CIZ1: variants seen among roughly 807,000 people sequenced by gnomAD.
CIZ1 encodes cip1-interacting zinc finger protein.
Under a neutral mutation model 118.6 loss-of-function variants are expected in CIZ1, and 58 were observed. That is an observed-to-expected ratio of 0.49 (90% CI 0.40 to 0.61). CIZ1 has a LOEUF of 0.61. Among genes scored for constraint, CIZ1 ranks in the 20% least tolerant of loss-of-function variants. CIZ1 has a pLI of 0.00. For missense variants in CIZ1, 921 were observed against 1,115.9 expected (o/e 0.83, Z 2.49); for synonymous variants, 448 against 443.4 (o/e 1.01, Z -0.13).
At chr9:128,188,455 T>TC (rs557631222) in intron 3 of CIZ1, among the ~76,000 whole-genome samples, 35 of 152,306 alleles carry the variant, frequency 2.3e-4, no homozygotes, top group African/African-American at 8.2e-4. Flanking sequence ...AACCTTTTTT[T>TC]CCACTTTAAA....
intron 14 of CIZ1, among the ~76,000 whole-genome samples, chr9:128,168,104 A>T (rs1486192826): frequency 6.6e-6 from 1 of 151,248 alleles, no homozygotes; most frequent in African/African-American, 2.4e-5. Context: ...GCCCCTCACC[A>T]CCCTGGACTA....
intron 3 of CIZ1, among the ~76,000 whole-genome samples, chr9:128,188,854 G>A (rs1165481947): frequency 6.6e-6 from 1 of 151,472 alleles, no homozygotes; most frequent in Admixed American, 6.6e-5. Context: ...GCTGGAGTAC[G>A]GTGGCGCGAT....
chr9:128,186,992 T>G lies in CIZ1; in HGVS notation c.358+871A>C, dbSNP rs45501899. Among the ~76,000 whole-genome samples, 723 of 149,426 alleles carry G rather than the reference T, an allele frequency of 4.8e-3. 3 individuals carry two copies. The highest frequency in any genetic ancestry group is 0.017 in the African/African-American group (686 of 40,368). ...TCTTGCTCTGTTGCCCAGTCTGGAG[T>G]GCAGTGGTGCGATCTTGGCTCACTG... On this transcript the variant is annotated intron_variant, in intron 4 of 16. Coordinates refer to ENST00000372938, the MANE Select transcript of CIZ1 (RefSeq NM_001131016.2).
At chr9:128,172,609 A>G (rs1054699730) in intron 11 of CIZ1, among the ~76,000 whole-genome samples, 1 of 152,208 alleles carries the variant, frequency 6.6e-6, no homozygotes, top group Non-Finnish European at 1.5e-5. Flanking sequence ...AAAGCCCTGT[A>G]AGAGCTCTGC....
At chr9:128,178,288 G>A (rs966318056) in intron 9 of CIZ1, 81 bp downstream of exon 9, 2 of 1,482,078 alleles carry the variant, frequency 1.3e-6, no homozygotes, top group Non-Finnish European at 1.8e-6. Flanking sequence ...GAGGCCCTGA[G>A]GTGGCCTGGG....
At chr9:128,188,862 G>A (rs554683353) in intron 3 of CIZ1, among the ~76,000 whole-genome samples, 4 of 151,398 alleles carry the variant, frequency 2.6e-5, no homozygotes, top group South Asian at 2.1e-4. Context: ...ACGGTGGCGC[G>A]ATCTCAGCTC....
At chr9:128,186,328 C>T (rs1461546739) in intron 4 of CIZ1, among the ~76,000 whole-genome samples, 1 of 152,112 alleles carries the variant, frequency 6.6e-6, no homozygotes, top group Admixed American at 6.5e-5. Flanking sequence ...ACGAGGGACA[C>T]TGCCATCCAC....
rs755296232 is a variant in CIZ1, at chr9:128,190,490, C to T, written c.171-46G>A. 1.9e-5 allele frequency: 28 copies of T among 1,479,872 alleles called. No individual in the cohort carries two copies. The Admixed American group carries it at 4.9e-4, about 26-fold the overall frequency. The allele number at this position is 1,479,872 out of a possible 1,614,324, so 91.7% of individuals were successfully genotyped here. A position where few individuals can be genotyped will look rare whatever the true frequency, so the allele number is the denominator to read the frequency against. On this transcript the variant is annotated intron_variant, in intron 2 of 16. Coordinates refer to ENST00000372938, the MANE Select transcript of CIZ1 (RefSeq NM_001131016.2). ...TCAGAGGGTTATTTGGAAAGTCAGA[C>T]CTTCCTTCTTCCCCAAGGCTTCTCA...
chr9:128,190,555 C>G, intron 2 of CIZ1, 111 bp from the exon 3 acceptor site: 1 of 1,361,192 alleles, frequency 7.3e-7, no homozygotes, highest in Non-Finnish European at 1.0e-6. Context: ...ACAGAGGACC[C>G]CTTGGGGCTG....
In CIZ1 at chr9:128,180,418, C is replaced by G; in HGVS notation, c.788G>C (p.Arg263Thr). 1 of 1,613,490 alleles carries G rather than the reference C, an allele frequency of 6.2e-7. No individual in the cohort carries two copies. The highest frequency in any genetic ancestry group is 8.5e-7 in the Non-Finnish European group (1 of 1,179,402). ...EASELPAKRL[R>T]SSEEPTEKEP... Reference sequence around the variant, plus strand: ...TCAGGTTTTCAGCATCAGTTACCTCCTCAATCTCTTTGCTGGCAGCTCGGA... The same window carrying G: ...TCAGGTTTTCAGCATCAGTTACCTCGTCAATCTCTTTGCTGGCAGCTCGGA... Residue 263 changes from arginine to threonine, a missense_variant, in exon 7 of 17, where the codon AGG (arginine) becomes ACG (threonine). Coordinates refer to ENST00000372938, the MANE Select transcript of CIZ1 (RefSeq NM_001131016.2).
intron 11 of CIZ1, among the ~76,000 whole-genome samples, chr9:128,173,906 G>A (rs377218541): frequency 7.9e-5 from 12 of 152,086 alleles, no homozygotes; most frequent in Middle Eastern, 3.4e-3. Flanking sequence ...CTCGGGAGGC[G>A]GAGGCAGGAG....
intron 6 of CIZ1, 80 bp downstream of exon 6, chr9:128,180,622 ACCCCTGCCTCCCACACCTG>A: frequency 7.4e-7 from 1 of 1,351,768 alleles, no homozygotes; most frequent in Non-Finnish European, 1.0e-6. Context: ...CCCACCAAGA[ACCCCTGCCTCCCACACCTG>A]CCTCTATCAC....
chr9:128,180,331 C>T lies in CIZ1; in HGVS notation c.791+84G>A. The T allele has an allele frequency of 1.0e-5, 10 of 971,830 alleles. 1 individual carries two copies. The highest frequency in any genetic ancestry group is 1.3e-5 in the Non-Finnish European group (8 of 607,192). The allele number at this position is 971,830 out of a possible 1,614,324, so 60.2% of individuals were successfully genotyped here. ...GCTCCAGCTCCACTGAATGGTGCACCCCCTCTGCCATTGCCACCCCTGCCT... is the reference window on the plus strand; with the variant it reads ...GCTCCAGCTCCACTGAATGGTGCACTCCCTCTGCCATTGCCACCCCTGCCT... On this transcript the variant is annotated intron_variant, in intron 7 of 16. Coordinates refer to ENST00000372938, the MANE Select transcript of CIZ1 (RefSeq NM_001131016.2).
rs1339562402 is a variant in CIZ1, at chr9:128,177,556, G to GT, written c.1818+9dup. 3.0e-6 allele frequency: 4 copies of GT among 1,343,892 alleles called. No homozygotes were observed. Among genetic ancestry groups the GT allele is most frequent in the African/African-American group, 2.9e-5 (2 of 69,048 alleles). The allele number at this position is 1,343,892 out of a possible 1,614,324, so 83.2% of individuals were successfully genotyped here. On this transcript the variant is annotated intron_variant, in intron 10 of 16. Transcript: ENST00000372938. The stretch of plus-strand genomic sequence containing the variant: ...CCACCCCTCCCCACCCTTATCTCCT[G>GT]TATCAGTACCTGCTGGCTGGAGCAG...
At position 128,185,744 on chromosome 9, in the gene CIZ1, C is replaced by T; in HGVS notation, c.391G>A (p.Gly131Ser). ...NLRGYGMASP[G>S]LAAPSLTPPQ... is the part of the protein sequence containing the mutation. ...GGTGTGAGGCTGGGGGCTGCGAGGC[C>T]TGGGGATGCCATGCCATAGCCTCGG... Residue 131 changes from glycine (G) to serine (S), a missense_variant, in exon 5 of 17, where the codon GGC becomes AGC. Coordinates refer to ENST00000372938, the MANE Select transcript of CIZ1 (RefSeq NM_001131016.2). 1 of 1,613,596 alleles carries T rather than the reference C, an allele frequency of 6.2e-7. No homozygotes were observed. Among genetic ancestry groups the T allele is most frequent in the Non-Finnish European group, 8.5e-7 (1 of 1,179,796 alleles).
At chr9:128,185,491 TG>T in intron 5 of CIZ1, 55 bp downstream of exon 5, 2 of 1,219,024 alleles carry the variant, frequency 1.6e-6, no homozygotes, top group Non-Finnish European at 2.3e-6. Context: ...CAGGTGGCAC[TG>T]GGGCTGACAC....
In CIZ1 at chr9:128,171,901, A is replaced by T. The variant is rs1401310722; in HGVS notation, c.1944-1794T>A. On this transcript the variant is annotated intron_variant, in intron 11 of 16. Coordinates refer to ENST00000372938, the MANE Select transcript of CIZ1 (RefSeq NM_001131016.2). The stretch of plus-strand genomic sequence containing the variant: ...TTGCATAAAAATTTAAAACTTCTAC[A>T]TGTTGAAAGATATAAGAAAATTAAA... 5.3e-5 allele frequency among the ~76,000 whole-genome samples: 8 copies of T among 152,122 alleles called. No homozygotes were observed. In the South Asian group the frequency reaches 1.7e-3, roughly 32 times the overall value.
intron 3 of CIZ1, 138 bp from the exon 4 acceptor site, chr9:128,188,072 ACAAAAC>A (rs1832642634): frequency 3.3e-6 from 1 of 306,682 alleles, no homozygotes; most frequent in African/African-American, 2.3e-5. Context: ...AAAACCCAAA[ACAAAAC>A]AAAACAAAAA....
intron 10 of CIZ1, among the ~76,000 whole-genome samples, chr9:128,177,122 T>TCA (rs1830961178): frequency 6.6e-6 from 1 of 152,150 alleles, no homozygotes; most frequent in Admixed American, 6.5e-5. Flanking sequence ...ACTCCTGACC[T>TCA]TGTGATCCAC....
Sources: gnomAD v4.1 joint callset for allele counts (sites outside exome capture counted in the v4.1 genomes callset) on GRCh38, gnomAD v4.1.1 for gene constraint, MANE v1.5 for transcripts, NCBI Gene and HGNC (gene_info 2026-07-23, HGNC 2026-07-21) for gene names.